The following POLD3 variants were observed in gnomAD, a reference collection of about 807,000 sequenced individuals.
The protein encoded by POLD3 is DNA polymerase delta subunit 3.
Under a neutral mutation model 58.2 loss-of-function variants are expected in POLD3, and 19 were observed. The ratio of observed to expected loss-of-function variants is 0.33; its 90% confidence interval spans 0.23 to 0.48. POLD3 has a LOEUF of 0.48. POLD3 is among the 20% of genes least tolerant of loss of function. POLD3 has a pLI of 0.99. For missense variants in POLD3, 504 were observed against 545.5 expected, an observed-to-expected ratio of 0.92 and a Z score of 0.76; for synonymous variants, 172 against 193.5, an observed-to-expected ratio of 0.89 and a Z score of 0.92.
At position 74,640,648 on chromosome 11, in the gene POLD3, C is replaced by T; in HGVS notation, c.1283C>T (p.Pro428Leu). ...NMKTSSVHRP[P>L]AMTVKKEPRE... The stretch of plus-strand genomic sequence containing the variant: ...AAGACATCCTCAGTACACAGACCCC[C>T]TGCCATGACTGTGAAAAAAGAACCC... Residue 428 changes from proline (P) to leucine (L), a missense_variant, in exon 12 of 12, where the codon CCT becomes CTT. By Grantham distance (98) the Pro-to-Leu change is moderately conservative. Coordinates refer to ENST00000263681, the MANE Select transcript of POLD3 (RefSeq NM_006591.3). 10 of 1,612,552 alleles carry T rather than the reference C, an allele frequency of 6.2e-6. No homozygotes were observed. Among genetic ancestry groups the T allele is most frequent in the Non-Finnish European group, 7.6e-6 (9 of 1,179,308 alleles).
chr11:74,594,154 A>AT lies in POLD3; in HGVS notation c.116+47dup, dbSNP rs373584162. On this transcript the variant is annotated intron_variant, in intron 2 of 11. Coordinates refer to ENST00000263681, the MANE Select transcript of POLD3 (RefSeq NM_006591.3). ...TACTACCAATTTTAATCATATTGGA[A>AT]TTTTTTTTTGTTTTGTTATGCTTTG... The AT allele has an allele frequency of 1.4e-3, 1,834 of 1,270,390 alleles. 9 individuals are homozygous for AT. In the African/African-American group the frequency reaches 0.018, roughly 13 times the overall value. The allele number at this position is 1,270,390 out of a possible 1,614,324, so 78.7% of individuals were successfully genotyped here. A position where few individuals can be genotyped will look rare whatever the true frequency, so the allele number is the denominator to read the frequency against.
chr11:74,628,701 T>C (rs2032502622), intron 8 of POLD3, among the ~76,000 whole-genome samples: 1 of 152,210 alleles, frequency 6.6e-6, no homozygotes, highest in African/African-American at 2.4e-5. Context: ...CCTTTCTACA[T>C]GATGAACTTC....
chr11:74,655,649 A>G (rs559617471), intron 4 of POLD3, among the ~76,000 whole-genome samples: 8 of 138,922 alleles, frequency 5.8e-5, no homozygotes, highest in African/African-American at 2.4e-4. Flanking sequence ...TTCAACACCT[A>G]TATTTGACCA....
chr11:74,619,492 C>A (rs2032184225), intron 6 of POLD3, among the ~76,000 whole-genome samples: 1 of 152,148 alleles, frequency 6.6e-6, no homozygotes, highest in Admixed American at 6.6e-5. Context: ...TGAATTTCAA[C>A]TGTGTGCCAG....
At chr11:74,633,957 T>G (rs912204528) in intron 9 of POLD3, among the ~76,000 whole-genome samples, 4 of 152,204 alleles carry the variant, frequency 2.6e-5, no homozygotes, top group African/African-American at 9.7e-5. Context: ...AAATTTTCAG[T>G]CTAAGAAACA....
At chr11:74,613,471 G>A (rs2031980534) in intron 5 of POLD3, among the ~76,000 whole-genome samples, 1 of 152,040 alleles carries the variant, frequency 6.6e-6, no homozygotes, top group African/African-American at 2.4e-5. Flanking sequence ...GCACAAGGAG[G>A]TAACGGACTA....
intron 4 of POLD3, among the ~76,000 whole-genome samples, chr11:74,667,137 G>A (rs188109893): frequency 2.0e-5 from 3 of 150,786 alleles, no homozygotes; most frequent in Non-Finnish European, 3.0e-5. Context: ...ATGGAGAGTT[G>A]TCCAGTTGTC....
intron 4 of POLD3, among the ~76,000 whole-genome samples, chr11:74,664,747 A>G (rs2033245859): frequency 6.6e-6 from 1 of 152,242 alleles, no homozygotes; most frequent in African/African-American, 2.4e-5. Context: ...TGAAAAATCA[A>G]TTAATATAAT....
Position 74,642,228 on chromosome 11 carries a change from G to A in POLD3, c.*1462G>A, listed in dbSNP as rs1405582179. On this transcript the variant is annotated 3_prime_UTR_variant, in exon 12 of 12. Coordinates refer to ENST00000263681, the MANE Select transcript of POLD3 (RefSeq NM_006591.3). ...TGAACTTGATTAAGACCAGAAGTTT[G>A]GGAGATGAGTCCTGGCATTATGTCT... 1.0e-6 allele frequency: 1 copy of A among 985,414 alleles called. No individual in the cohort carries two copies. The highest frequency in any genetic ancestry group is 4.7e-5 in the South Asian group (1 of 21,286). 61.0% of individuals were successfully genotyped at this position (985,414 alleles called of 1,614,324 possible).
At chr11:74,638,030 C>T (rs1338383213) in intron 11 of POLD3, among the ~76,000 whole-genome samples, 4 of 151,928 alleles carry the variant, frequency 2.6e-5, no homozygotes, top group Non-Finnish European at 5.9e-5. Flanking sequence ...GGTAGTTGGG[C>T]CCCTGAGATA....
intron 9 of POLD3, among the ~76,000 whole-genome samples, chr11:74,631,371 A>AT (rs1222101259): frequency 6.6e-6 from 1 of 151,160 alleles, no homozygotes; most frequent in Non-Finnish European, 1.5e-5. Context: ...TAAAATGGGG[A>AT]TTTTTATCAC....
At chr11:74,595,563 C>T (rs1282525977) in intron 2 of POLD3, 1 of 152,178 alleles carries the variant, frequency 6.6e-6, no homozygotes, top group South Asian at 2.1e-4. Flanking sequence ...TTCTCCCATT[C>T]TGTGGATTGT....
chr11:74,602,796 T>G (rs1440878164), intron 2 of POLD3, among the ~76,000 whole-genome samples: 1 of 152,234 alleles, frequency 6.6e-6, no homozygotes, highest in African/African-American at 2.4e-5. Context: ...ACTACCGTCC[T>G]TATTCCACTA....
intron 10 of POLD3, 128 bp from the exon 11 acceptor site, chr11:74,636,069 G>A: frequency 1.2e-6 from 1 of 869,164 alleles, no homozygotes; most frequent in Middle Eastern, 2.7e-4. Flanking sequence ...AACTAATGTA[G>A]AGTTTCTCTT....
chr11:74,596,603 CAG>C (rs2031268099), intron 2 of POLD3, among the ~76,000 whole-genome samples: 1 of 152,176 alleles, frequency 6.6e-6, no homozygotes, highest in Non-Finnish European at 1.5e-5. Flanking sequence ...TTACATCACA[CAG>C]TTATTTTGGT....
chr11:74,667,005 G>C (rs913798149), intron 4 of POLD3, among the ~76,000 whole-genome samples: 2 of 152,058 alleles, frequency 1.3e-5, no homozygotes, highest in Middle Eastern at 3.4e-3. Flanking sequence ...AGCATCAATG[G>C]GGGAAAGAAT....
intron 9 of POLD3, among the ~76,000 whole-genome samples, chr11:74,633,301 C>A (rs1398861754): frequency 6.6e-6 from 1 of 152,160 alleles, no homozygotes; most frequent in Non-Finnish European, 1.5e-5. Flanking sequence ...CATGTTCTAG[C>A]CTCCCAGAGC....
At chr11:74,627,371 C>T (rs558462465) in intron 8 of POLD3, among the ~76,000 whole-genome samples, 1 of 151,996 alleles carries the variant, frequency 6.6e-6, no homozygotes, top group Non-Finnish European at 1.5e-5. Context: ...TACAGCTGTA[C>T]AATTTTTTGT....
chr11:74,637,985 A>ATCTTTCTC (rs543154738), intron 11 of POLD3, among the ~76,000 whole-genome samples: 243 of 152,224 alleles, frequency 1.6e-3, no homozygotes, highest in Non-Finnish European at 2.7e-3. Flanking sequence ...TAGAAAGCTC[A>ATCTTTCTC]TCTTTCTCTC....
Sources: gnomAD v4.1 joint callset for allele counts (sites outside exome capture counted in the v4.1 genomes callset) on GRCh38, gnomAD v4.1.1 for gene constraint, MANE v1.5 for transcripts, NCBI Gene and HGNC (gene_info 2026-07-23, HGNC 2026-07-21) for gene names.